LRP1B: variants seen among roughly 807,000 people sequenced by gnomAD.
LRP1B encodes low-density lipoprotein receptor-related protein 1B.
In LRP1B, 217 loss-of-function variants were observed where a neutral mutation model predicts 556.6. The ratio of observed to expected loss-of-function variants is 0.39; its 90% CI spans 0.35 to 0.44. The LOEUF is 0.44. Among genes scored for constraint, LRP1B ranks in the 20% least tolerant of loss-of-function variants. The pLI is 1.00. For missense variants in LRP1B, 5,053 were observed against 5,620.8 expected, an observed-to-expected ratio of 0.90 and a Z score of 3.23; for synonymous variants, 2,047 against 1,865.8, an observed-to-expected ratio of 1.10 and a Z score of -2.50.
At chr2:141,113,719 T>G (rs1700811077) in intron 7 of LRP1B, among the ~76,000 whole-genome samples, 1 of 150,002 alleles carries the variant, frequency 6.7e-6, no homozygotes, top group Non-Finnish European at 1.5e-5. Context: ...GCAGAAAAAT[T>G]ATTTTAATGT....
At chr2:141,760,367 A>C (rs1694495836) in intron 2 of LRP1B, among the ~76,000 whole-genome samples, 1 of 152,202 alleles carries the variant, frequency 6.6e-6, no homozygotes, top group South Asian at 2.1e-4. Flanking sequence ...TGTTTGTGTG[A>C]AAATGTCATA....
intron 2 of LRP1B, among the ~76,000 whole-genome samples, chr2:141,774,400 A>G (rs1476777525): frequency 1.3e-5 from 2 of 151,920 alleles, no homozygotes; most frequent in Non-Finnish European, 2.9e-5. Flanking sequence ...GAGGTCCCAG[A>G]CCCTTTTAAA....
At chr2:141,918,930 C>G (rs1247177028) in intron 1 of LRP1B, among the ~76,000 whole-genome samples, 2 of 152,088 alleles carry the variant, frequency 1.3e-5, no homozygotes, top group Admixed American at 1.3e-4. Flanking sequence ...TGCCTGTAAT[C>G]TCATGCAGAG....
chr2:141,590,452 G>A (rs891715825), intron 2 of LRP1B, among the ~76,000 whole-genome samples: 1 of 152,118 alleles, frequency 6.6e-6, no homozygotes, highest in Non-Finnish European at 1.5e-5. Flanking sequence ...GTGTTGCAGA[G>A]AGACGGAAGA....
intron 7 of LRP1B, among the ~76,000 whole-genome samples, chr2:141,124,661 A>G (rs1331069866): frequency 1.4e-5 from 2 of 144,876 alleles, no homozygotes; most frequent in Non-Finnish European, 3.0e-5. Flanking sequence ...TGGAGTGACA[A>G]ATGAAAAAAA....
chr2:141,535,929 A>T (rs1685055160), intron 2 of LRP1B, among the ~76,000 whole-genome samples: 1 of 152,128 alleles, frequency 6.6e-6, no homozygotes, highest in African/African-American at 2.4e-5. Context: ...CAACATTGAC[A>T]ACTGCATAGC....
intron 84 of LRP1B, among the ~76,000 whole-genome samples, chr2:140,278,032 T>TGCAAAC (rs1171157377): frequency 2.2e-3 from 92 of 42,692 alleles, no homozygotes; most frequent in African/African-American, 4.7e-3. Context: ...AATGCACATA[T>TGCAAAC]ACAAACACAC....
chr2:140,921,434 C>T (rs1007380120), intron 21 of LRP1B, among the ~76,000 whole-genome samples: 1 of 151,880 alleles, frequency 6.6e-6, no homozygotes, highest in Admixed American at 6.6e-5. Context: ...AAAATATACA[C>T]AATATATGCT....
Position 140,364,767 on chromosome 2 carries a change from T to C in LRP1B, c.11025A>G (p.Arg3675=). The change falls in exon 72 of 91, where the codon AGA becomes AGG. Residue 3675 remains arginine (R), a synonymous_variant. Transcript: ENST00000389484. ...ENCERGGNIC[R]ADEFLCNNSL... ...AATTATTGCAAAGGAACTCATCAGC[T>C]CTACATATATTTCCTCCTTTATTTT... 1 of 1,609,726 alleles carries C rather than the reference T, an allele frequency of 6.2e-7. No homozygotes were observed. The highest frequency in any genetic ancestry group is 8.5e-7 in the Non-Finnish European group (1 of 1,177,100).
chr2:140,847,037 C>G (rs1364173332), intron 29 of LRP1B, among the ~76,000 whole-genome samples: 1 of 152,092 alleles, frequency 6.6e-6, no homozygotes, highest in African/African-American at 2.4e-5. Context: ...ACTTTATGTC[C>G]AATTGATTGT....
At chr2:141,320,206 G>A (rs1687186059) in intron 3 of LRP1B, among the ~76,000 whole-genome samples, 1 of 151,984 alleles carries the variant, frequency 6.6e-6, no homozygotes, top group Non-Finnish European at 1.5e-5. Context: ...AGCCACAATA[G>A]TGTCTACTCA....
intron 2 of LRP1B, among the ~76,000 whole-genome samples, chr2:141,628,698 GA>G (rs1270913172): frequency 2.0e-5 from 3 of 151,638 alleles, no homozygotes; most frequent in Non-Finnish European, 1.5e-5. Flanking sequence ...ACCCAGGCTG[GA>G]GTACAGTGGC....
intron 3 of LRP1B, among the ~76,000 whole-genome samples, chr2:141,372,720 G>T (rs1484855379): frequency 6.6e-6 from 1 of 151,942 alleles, no homozygotes; most frequent in Non-Finnish European, 1.5e-5. Flanking sequence ...GGTATCAGTT[G>T]TAATATCTCC....
chr2:141,503,868 T>C (rs1017454955), intron 2 of LRP1B, among the ~76,000 whole-genome samples: 2 of 152,128 alleles, frequency 1.3e-5, no homozygotes, highest in Non-Finnish European at 2.9e-5. Flanking sequence ...GAGAAACAAC[T>C]AATAAACACA....
intron 11 of LRP1B, among the ~76,000 whole-genome samples, chr2:141,025,903 T>C (rs1698203806): frequency 6.6e-6 from 1 of 152,074 alleles, no homozygotes; most frequent in Admixed American, 6.6e-5. Flanking sequence ...AGTATATATT[T>C]CAGAGGACAA....
chr2:140,789,533 C>T (rs1309506015), intron 32 of LRP1B, among the ~76,000 whole-genome samples: 4 of 151,428 alleles, frequency 2.6e-5, no homozygotes, highest in African/African-American at 9.7e-5. Flanking sequence ...ACCTTTCTCC[C>T]TTGATCCTCC....
chr2:141,453,232 A>G lies in LRP1B; in HGVS notation c.343+27164T>C, dbSNP rs548788664. The stretch of plus-strand genomic sequence containing the variant: ...AGCCTGGGTGACAAAGTGAGACTCC[A>G]TCTCAAAATAAAAAAAAATACACAA... On this transcript the variant is annotated intron_variant, in intron 3 of 90. Transcript: ENST00000389484. Among the ~76,000 whole-genome samples, 3 of 151,940 alleles carry G rather than the reference A, an allele frequency of 2.0e-5. No individual in the cohort carries two copies. In the South Asian group the frequency reaches 6.2e-4, roughly 32 times the overall value.
At chr2:141,085,842 T>C (rs1037324139) in intron 7 of LRP1B, among the ~76,000 whole-genome samples, 11 of 152,236 alleles carry the variant, frequency 7.2e-5, no homozygotes. Context: ...GCAGTTGTTT[T>C]TCATCTCTTT....
At chr2:140,931,790 G>T (rs1695057064) in intron 20 of LRP1B, among the ~76,000 whole-genome samples, 1 of 152,104 alleles carries the variant, frequency 6.6e-6, no homozygotes, top group South Asian at 2.1e-4. Flanking sequence ...AGTATCAGAA[G>T]AATGATGAAC....
Sources: gnomAD v4.1 joint callset for allele counts (sites outside exome capture counted in the v4.1 genomes callset) on GRCh38, gnomAD v4.1.1 for gene constraint, MANE v1.5 for transcripts, NCBI Gene and HGNC (gene_info 2026-07-23, HGNC 2026-07-21) for gene names.